LARP4: variants seen among roughly 807,000 people sequenced by gnomAD.
LARP4 encodes the protein la-related protein 4.
Under a neutral mutation model 92.9 loss-of-function variants are expected in LARP4, and 29 were observed. The ratio of observed to expected loss-of-function variants is 0.31; its 90% CI spans 0.23 to 0.43. The LOEUF is 0.43. LARP4 is among the 20% of genes least tolerant of loss of function. LARP4 has a pLI of 1.00. For synonymous variants in LARP4, 279 were observed against 284.1 expected (o/e 0.98, Z 0.18); for missense variants, 732 against 860.0 (o/e 0.85, Z 1.86).
At position 50,477,101 on chromosome 12, in the gene LARP4, C is replaced by A. The variant is rs906162303; in HGVS notation, c.*1237C>A. ...TACCTTCCTTCCCTCCTCTTCTCCC[C>A]CCACACCCAACAAAATACAGTTTGG... On this transcript the variant is annotated 3_prime_UTR_variant, in exon 16 of 16. Coordinates refer to ENST00000398473, the MANE Select transcript of LARP4 (RefSeq NM_052879.5). 6 of 152,414 alleles carry A rather than the reference C, an allele frequency of 3.9e-5. No individual in the cohort carries two copies. Among genetic ancestry groups the A allele is most frequent in the Admixed American group, 2.6e-4 (4 of 15,252 alleles). The allele number at this position is 152,414 out of a possible 1,614,324, so 9.4% of individuals were successfully genotyped here.
At chr12:50,403,991 A>G (rs1283066008) in intron 1 of LARP4, among the ~76,000 whole-genome samples, 1 of 152,100 alleles carries the variant, frequency 6.6e-6, no homozygotes, top group African/African-American at 2.4e-5. Context: ...TGGGAGGCTG[A>G]GGTGGGTGGC....
In LARP4 at chr12:50,461,240, A is replaced by G. The variant is rs778960324; in HGVS notation, c.1227A>G (p.Pro409=). The G allele has an allele frequency of 6.8e-6, 11 of 1,614,032 alleles. No homozygotes were observed. The highest frequency in any genetic ancestry group is 3.3e-4 in the Middle Eastern group (2 of 6,084). The change falls in exon 11 of 16, where the codon CCA becomes CCG. Residue 409 remains proline (P), a synonymous_variant. Coordinates refer to ENST00000398473, the MANE Select transcript of LARP4 (RefSeq NM_052879.5). Reference sequence around the variant, plus strand: ...ACAGATATAGTTCAAGAAACTTTCCAGCTGAACGGCATAACCCCACAGTAA... The same window carrying G: ...ACAGATATAGTTCAAGAAACTTTCCGGCTGAACGGCATAACCCCACAGTAA... ...QLNRYSSRNF[P]AERHNPTVTG...
chr12:50,460,084 G>A (rs1042230771), intron 10 of LARP4, among the ~76,000 whole-genome samples: 6 of 151,172 alleles, frequency 4.0e-5, no homozygotes, highest in East Asian at 1.9e-4. Flanking sequence ...GCAGTGAGCC[G>A]AGATTGCACC....
At position 50,475,895 on chromosome 12, in the gene LARP4, C is replaced by T; in HGVS notation, c.*31C>T. 6.3e-7 allele frequency: 1 copy of T among 1,578,984 alleles called. No individual in the cohort carries two copies. Among genetic ancestry groups the T allele is most frequent in the Non-Finnish European group, 8.7e-7 (1 of 1,153,812 alleles). On this transcript the variant is annotated 3_prime_UTR_variant, in exon 16 of 16. Coordinates refer to ENST00000398473, the MANE Select transcript of LARP4 (RefSeq NM_052879.5). ...AACAAAACTATTCAAAAACTTCACT[C>T]TCTTCCCATTAAACTTGAACTGTGG...
chr12:50,459,422 G>A (rs906533657), intron 10 of LARP4, among the ~76,000 whole-genome samples: 3 of 152,060 alleles, frequency 2.0e-5, no homozygotes, highest in Non-Finnish European at 2.9e-5. Flanking sequence ...ACAGATTATT[G>A]TATGTCTGTA....
intron 1 of LARP4, among the ~76,000 whole-genome samples, chr12:50,409,609 C>T (rs917885671): frequency 6.6e-6 from 1 of 151,230 alleles, no homozygotes; most frequent in East Asian, 1.9e-4. Context: ...AAAAAATATA[C>T]AAAAAAAATT....
At chr12:50,427,113 A>T (rs1211047852) in intron 1 of LARP4, among the ~76,000 whole-genome samples, 4 of 152,272 alleles carry the variant, frequency 2.6e-5, no homozygotes, top group East Asian at 3.9e-4. Flanking sequence ...TGCAGGACAG[A>T]TGGAAAAAAA....
chr12:50,416,834 A>G (rs1946878589), intron 1 of LARP4, among the ~76,000 whole-genome samples: 1 of 151,724 alleles, frequency 6.6e-6, no homozygotes, highest in Non-Finnish European at 1.5e-5. Context: ...AAAATTTGCC[A>G]GGTGTGGTGG....
chr12:50,478,615 A>G lies in LARP4; in HGVS notation c.*2751A>G, dbSNP rs1365098074. On this transcript the variant is annotated 3_prime_UTR_variant, in exon 16 of 16. Coordinates refer to ENST00000398473, the MANE Select transcript of LARP4 (RefSeq NM_052879.5). ...TAAAAGTAGGTATAAATGATATTGA[A>G]TGTTGGGTATAGTGATACTCTGCCA... The G allele has an allele frequency of 6.6e-6, 1 of 152,134 alleles. No individual in the cohort carries two copies. The highest frequency in any genetic ancestry group is 2.4e-5 in the African/African-American group (1 of 41,458). The allele number at this position is 152,134 out of a possible 1,614,324, so 9.4% of individuals were successfully genotyped here. A position where few individuals can be genotyped will look rare whatever the true frequency, so the allele number is the denominator to read the frequency against.
At chr12:50,446,866 A>G (rs1047147958) in intron 8 of LARP4, among the ~76,000 whole-genome samples, 1 of 152,134 alleles carries the variant, frequency 6.6e-6, no homozygotes, top group Non-Finnish European at 1.5e-5. Context: ...GTCTTGTTAA[A>G]ATCAGTTTGT....
chr12:50,446,243 T>A (rs183084477), intron 8 of LARP4, among the ~76,000 whole-genome samples: 1,863 of 147,754 alleles, frequency 0.013, 45 homozygotes, highest in African/African-American at 0.042. Flanking sequence ...CCTGACCTCA[T>A]GATCTGCCCA....
At position 50,474,101 on chromosome 12, in the gene LARP4, A is replaced by C; in HGVS notation, c.1770A>C (p.Pro590=). 1 of 1,613,398 alleles carries C rather than the reference A, an allele frequency of 6.2e-7. No homozygotes were observed. Among genetic ancestry groups the C allele is most frequent in the South Asian group, 1.1e-5 (1 of 91,066 alleles). ...TTTCTCCTCCAAGTACTACAAAGCC[A>C]TCGAGGGCAAGTACTGCTTCACCAT... ...IPVSPPSTTK[P]SRASTASPCN... The change falls in exon 15 of 16, where the codon CCA becomes CCC. Residue 590 remains proline, a synonymous_variant. Transcript: ENST00000398473.
At chr12:50,406,070 T>TATGGATATGGAATTC in intron 1 of LARP4, among the ~76,000 whole-genome samples, 1 of 152,300 alleles carries the variant, frequency 6.6e-6, no homozygotes, top group Non-Finnish European at 1.5e-5. Flanking sequence ...ATACAGAACC[T>TATGGATATGGAATTC]ATGGATATGG....
intron 1 of LARP4, among the ~76,000 whole-genome samples, chr12:50,419,140 C>T (rs539539973): frequency 1.1e-4 from 17 of 152,062 alleles, no homozygotes; most frequent in African/African-American, 3.9e-4. Flanking sequence ...GCATGAGGAT[C>T]ACTGGAGCCC....
At position 50,473,971 on chromosome 12, in the gene LARP4, G is replaced by A. The variant is rs773136244; in HGVS notation, c.1668-28G>A. ...CAACTGTTCCTATATGCTATTCTGAGTCTAATTGCAAGCTCTTTTTTCCTT... is the reference window on the plus strand; with the variant it reads ...CAACTGTTCCTATATGCTATTCTGAATCTAATTGCAAGCTCTTTTTTCCTT... On this transcript the variant is annotated intron_variant, in intron 14 of 15. Transcript: ENST00000398473. 11 of 1,597,556 alleles carry A rather than the reference G, an allele frequency of 6.9e-6. No individual in the cohort carries two copies. In the South Asian group the frequency reaches 1.1e-4, roughly 16 times the overall value.
intron 1 of LARP4, among the ~76,000 whole-genome samples, chr12:50,411,507 C>G (rs924263484): frequency 1.3e-5 from 2 of 151,562 alleles, no homozygotes; most frequent in Non-Finnish European, 2.9e-5. Context: ...CCAACCCCAT[C>G]TAGTAGAGAT....
intron 2 of LARP4, among the ~76,000 whole-genome samples, chr12:50,428,726 C>T (rs1022834119): frequency 4.6e-5 from 7 of 152,180 alleles, no homozygotes; most frequent in South Asian, 2.1e-4. Context: ...ATGCTATATA[C>T]GTTTTAGCAA....
chr12:50,447,504 A>G (rs1292514169), intron 8 of LARP4, among the ~76,000 whole-genome samples: 1 of 152,218 alleles, frequency 6.6e-6, no homozygotes, highest in African/African-American at 2.4e-5. Flanking sequence ...AATTTGAAGC[A>G]TATAAATTGA....
At position 50,475,978 on chromosome 12, in the gene LARP4, C is replaced by T. The variant is rs1244472923; in HGVS notation, c.*114C>T. The T allele has an allele frequency of 7.2e-6, 6 of 836,502 alleles. No individual in the cohort carries two copies. The highest frequency in any genetic ancestry group is 3.4e-5 in the African/African-American group (2 of 58,358). The allele number at this position is 836,502 out of a possible 1,614,324, so 51.8% of individuals were successfully genotyped here. Reference sequence around the variant, plus strand: ...GCCAGGAAGGAAACAAGAGAAAGTACGTCCATTTCATTATGGATTTTGGAG... The same window carrying T: ...GCCAGGAAGGAAACAAGAGAAAGTATGTCCATTTCATTATGGATTTTGGAG... On this transcript the variant is annotated 3_prime_UTR_variant, in exon 16 of 16. Transcript: ENST00000398473.
Sources: gnomAD v4.1 joint callset for allele counts (sites outside exome capture counted in the v4.1 genomes callset) on GRCh38, gnomAD v4.1.1 for gene constraint, MANE v1.5 for transcripts, NCBI Gene and HGNC (gene_info 2026-07-23, HGNC 2026-07-21) for gene names.